The following MUC13 variants were observed in gnomAD, a reference collection of about 807,000 sequenced individuals.
The protein encoded by MUC13 is mucin-13.
In MUC13, 32 loss-of-function variants were observed where a neutral mutation model predicts 48.3. The ratio of observed to expected loss-of-function variants is 0.66; its 90% CI spans 0.50 to 0.89. MUC13 has a LOEUF of 0.89. Ranked by LOEUF, MUC13 falls within the 40% of genes least tolerant of loss-of-function variation. The pLI, the probability that MUC13 is intolerant of heterozygous loss-of-function variation, is 0.00. For missense variants in MUC13, 571 were observed against 622.8 expected, an observed-to-expected ratio of 0.92 and a Z score of 0.88; for synonymous variants, 199 against 224.9, an observed-to-expected ratio of 0.88 and a Z score of 1.03.
intron 1 of MUC13, among the ~76,000 whole-genome samples, chr3:124,931,430 C>G (rs1228630675): frequency 1.2e-5 from 1 of 85,874 alleles, no homozygotes; most frequent in African/African-American, 4.7e-5. Context: ...GACTCTGTCT[C>G]AAAAAAAAAA....
intron 6 of MUC13, among the ~76,000 whole-genome samples, chr3:124,914,729 C>T (rs1435046015): frequency 6.6e-6 from 1 of 152,114 alleles, no homozygotes; most frequent in East Asian, 1.9e-4. Flanking sequence ...GAGTTCGAGA[C>T]CAGCCCAGCC....
chr3:124,920,733 T>C (rs185220660), intron 4 of MUC13, among the ~76,000 whole-genome samples: 61 of 152,364 alleles, frequency 4.0e-4, no homozygotes, highest in Admixed American at 6.5e-4. Flanking sequence ...TTGGGGAAAG[T>C]AGTGCTAAGT....
chr3:124,915,678 TG>T (rs1183543572), intron 6 of MUC13, among the ~76,000 whole-genome samples: 1 of 152,190 alleles, frequency 6.6e-6, no homozygotes, highest in Admixed American at 6.5e-5. Flanking sequence ...GGTTCGTGTG[TG>T]TCTAAAGGGG....
rs1372411595 is a variant in MUC13 at position 124,927,598 on chromosome 3, C to A, written c.448G>T (p.Asp150Tyr). The change falls in exon 2 of 12, where the codon GAC (aspartate) becomes TAC (tyrosine). Residue 150 changes from aspartate (D) to tyrosine (Y), a missense_variant. Physicochemically the swap from Asp to Tyr is radical, Grantham distance 160. Coordinates refer to ENST00000616727, the MANE Select transcript of MUC13 (RefSeq NM_033049.4). ...SNNEMSPTTEDNQSSGPPTGT... is the reference protein window; with the variant it reads ...SNNEMSPTTEYNQSSGPPTGT... The stretch of plus-strand genomic sequence containing the variant: ...GTGGGAGGCCCTGATGATTGATTGT[C>A]TTCTGTGGTGGGGGACATTTCATTG... 6.2e-7 allele frequency: 1 copy of A among 1,614,162 alleles called. No homozygotes were observed. The highest frequency in any genetic ancestry group is 8.5e-7 in the Non-Finnish European group (1 of 1,180,036).
Position 124,916,173 on chromosome 3 carries a change from G to A in MUC13, c.964+144C>T, listed in dbSNP as rs1292209219. On this transcript the variant is annotated intron_variant, in intron 6 of 11. Coordinates refer to ENST00000616727, the MANE Select transcript of MUC13 (RefSeq NM_033049.4). ...AGGGCAAGCGAACAAGAAAAGGGAA[G>A]AAGAATTGGATAAAAAGAAATTTAG... 4.5e-6 allele frequency: 3 copies of A among 668,048 alleles called. No individual in the cohort carries two copies. In the African/African-American group the frequency reaches 5.5e-5, roughly 12 times the overall value. 41.4% of individuals were successfully genotyped at this position (668,048 alleles called of 1,614,324 possible).
intron 1 of MUC13, among the ~76,000 whole-genome samples, chr3:124,932,521 G>A (rs1327139483): frequency 3.3e-5 from 5 of 151,376 alleles, no homozygotes; most frequent in East Asian, 3.9e-4. Context: ...AGCAGAGATC[G>A]TGCCATTGCA....
Position 124,906,747 on chromosome 3 carries a change from A to G in MUC13, c.*1-5T>C, listed in dbSNP as rs531941798. 10 of 152,322 alleles carry G rather than the reference A, an allele frequency of 6.6e-5. No homozygotes were observed. The East Asian group carries it at 1.7e-3, about 26-fold the overall frequency. The allele number at this position is 152,322 out of a possible 1,614,324, so 9.4% of individuals were successfully genotyped here. A position where few individuals can be genotyped will look rare whatever the true frequency, so the allele number is the denominator to read the frequency against. On this transcript the variant is annotated splice_region_variant and splice_polypyrimidine_tract_variant and intron_variant, in intron 11 of 11. Coordinates refer to ENST00000616727, the MANE Select transcript of MUC13 (RefSeq NM_033049.4). ...GGGTTCCACATTCTTATGATTCTAG[A>G]CAGAAAGAGAGAGGGAGAGACAATA...
chr3:124,926,604 T>C (rs144206082), intron 2 of MUC13, among the ~76,000 whole-genome samples: 3 of 152,318 alleles, frequency 2.0e-5, no homozygotes, highest in Admixed American at 2.0e-4. Flanking sequence ...GACATCCACT[T>C]GATCTTTGAC....
chr3:124,917,870 G>T (rs1451845933), intron 5 of MUC13, among the ~76,000 whole-genome samples: 4 of 152,080 alleles, frequency 2.6e-5, no homozygotes, highest in Admixed American at 2.6e-4. Context: ...TTTGCACTGG[G>T]ACTAGGAAAG....
intron 6 of MUC13, among the ~76,000 whole-genome samples, chr3:124,915,657 G>A (rs1935500209): frequency 6.6e-6 from 1 of 152,176 alleles, no homozygotes; most frequent in Non-Finnish European, 1.5e-5. Context: ...AATTGCTACA[G>A]CTACATGGTG....
intron 2 of MUC13, among the ~76,000 whole-genome samples, chr3:124,925,362 T>G (rs142804190): frequency 4.5e-4 from 68 of 152,342 alleles, no homozygotes; most frequent in African/African-American, 1.6e-3. Flanking sequence ...GATCCTATAA[T>G]AGTGGATGCA....
At chr3:124,923,787 G>A (rs1432804548) in intron 2 of MUC13, 138 bp from the exon 3 acceptor site, 3 of 824,774 alleles carry the variant, frequency 3.6e-6, no homozygotes, top group Admixed American at 2.8e-5. Context: ...CACACTTTTG[G>A]AAGAGTTAAA....
intron 9 of MUC13, 92 bp downstream of exon 9, chr3:124,912,012 T>G (rs935924391): frequency 1.3e-6 from 2 of 1,516,150 alleles, no homozygotes. Context: ...GGACAGAGAC[T>G]TTGAAGGACT....
intron 10 of MUC13, 127 bp downstream of exon 10, chr3:124,910,288 C>A: frequency 7.5e-7 from 1 of 1,338,038 alleles, no homozygotes; most frequent in Non-Finnish European, 1.0e-6. Flanking sequence ...AATCCCAGCA[C>A]TTTGGGAGGC....
At chr3:124,911,015 G>A (rs16836171) in intron 9 of MUC13, among the ~76,000 whole-genome samples, 3,346 of 152,160 alleles carry the variant, frequency 0.022, 138 homozygotes, top group African/African-American at 0.076. Flanking sequence ...ACTTGACTGC[G>A]GCTATGAGAC....
chr3:124,910,498 T>A lies in MUC13; in HGVS notation c.1254A>T (p.Lys418Asn). ...CCACAATAGTGAGGATCAGCTGAAA[T>A]TCTGAAAGGAAGAAGAAAATAAGAA... ...FGYSGLDCKDKFQLILTIVGT... is the reference protein window; with the variant it reads ...FGYSGLDCKDNFQLILTIVGT... The change falls in exon 10 of 12, where the codon AAA becomes AAT. Residue 418 changes from lysine (K) to asparagine (N), a missense_variant and splice_region_variant. Lys to Asn is a moderately conservative substitution (Grantham distance 94). Coordinates refer to ENST00000616727, the MANE Select transcript of MUC13 (RefSeq NM_033049.4). 6.2e-7 allele frequency: 1 copy of A among 1,613,994 alleles called. No individual in the cohort carries two copies. The highest frequency in any genetic ancestry group is 2.2e-5 in the East Asian group (1 of 44,880).
intron 5 of MUC13, among the ~76,000 whole-genome samples, chr3:124,916,873 G>C (rs1383721346): frequency 2.0e-5 from 3 of 152,108 alleles, no homozygotes; most frequent in East Asian, 3.8e-4. Flanking sequence ...ATCTCAGTCT[G>C]GTTCTTTGGG....
intron 1 of MUC13, among the ~76,000 whole-genome samples, chr3:124,931,223 G>C (rs1935789033): frequency 6.6e-6 from 1 of 150,878 alleles, no homozygotes. Flanking sequence ...ATGAGATCAA[G>C]AGATTGTGAC....
intron 6 of MUC13, among the ~76,000 whole-genome samples, chr3:124,914,960 G>A (rs528861422): frequency 1.3e-5 from 2 of 152,226 alleles, no homozygotes; most frequent in East Asian, 3.9e-4. Context: ...ACACTTAAGA[G>A]ATGAAGAAAG....
Sources: allele counts gnomAD v4.1 joint callset (sites outside exome capture counted in the v4.1 genomes callset), GRCh38; gene constraint gnomAD v4.1.1; transcripts MANE v1.5; gene names NCBI Gene and HGNC (gene_info 2026-07-23, HGNC 2026-07-21).